The following KCNQ1 variants were observed in gnomAD, a reference collection of about 807,000 sequenced individuals.
KCNQ1 encodes potassium voltage-gated channel subfamily Q member 1, also known as potassium voltage-gated channel subfamily KQT member 1.
A neutral mutation model predicts 72.4 loss-of-function variants in KCNQ1; 49 were observed. That is an observed-to-expected ratio of 0.68 (90% CI 0.54 to 0.86). KCNQ1 has a LOEUF of 0.86. Ranked by LOEUF, KCNQ1 falls within the 40% of genes least tolerant of loss-of-function variation. The pLI is 0.00. For synonymous variants in KCNQ1, 450 were observed against 412.6 expected (o/e 1.09, Z -1.10); for missense variants, 790 against 945.1 (o/e 0.84, Z 2.15).
rs1384751753 is a variant in KCNQ1, at chr11:2,538,604, T to C, written c.477+10586T>C. 6.6e-6 allele frequency among the ~76,000 whole-genome samples: 1 copy of C among 152,046 alleles called. No homozygotes were observed. Among genetic ancestry groups the C allele is most frequent in the Non-Finnish European group, 1.5e-5 (1 of 67,992 alleles). On this transcript the variant is annotated intron_variant, in intron 2 of 15. Transcript: ENST00000155840. This position sits in a 1 kb window ranked among gnomAD's most constrained non-coding sequence, Gnocchi z 6.7. ...AGTCGTGAAAGTGGGAATCCTGGGCTGGAACCGGAACGTTCCCCGAGTACA... is the reference window on the plus strand; with the variant it reads ...AGTCGTGAAAGTGGGAATCCTGGGCCGGAACCGGAACGTTCCCCGAGTACA...
chr11:2,590,036 A>G (rs1012597823), intron 10 of KCNQ1, among the ~76,000 whole-genome samples: 3 of 152,182 alleles, frequency 2.0e-5, no homozygotes, highest in African/African-American at 7.2e-5. Context: ...CTTCTCTTGC[A>G]TGTGACTTCA....
In KCNQ1 at chr11:2,661,905, A is replaced by G. The variant is rs202207669; in HGVS notation, c.1394-56A>G. On this transcript the variant is annotated intron_variant, in intron 10 of 15. Transcript: ENST00000155840. The surrounding 1 kb of genome is among the most constrained non-coding windows in gnomAD (Gnocchi z 5.9). ...TGGGAGCTCACAGGCCTGGCTCCAC[A>G]GCACTGGCAGGTTGGGTGGGAGGCC... 3.1e-6 allele frequency: 5 copies of G among 1,612,834 alleles called. No homozygotes were observed. Among genetic ancestry groups the G allele is most frequent in the Non-Finnish European group, 4.2e-6 (5 of 1,179,160 alleles).
rs1465624913 is a variant in KCNQ1 at position 2,566,841 on chromosome 11, C to G, written c.478-3787C>G. Among the ~76,000 whole-genome samples, 1 of 152,076 alleles carries G rather than the reference C, an allele frequency of 6.6e-6. No individual in the cohort carries two copies. The highest frequency in any genetic ancestry group is 6.5e-5 in the Admixed American group (1 of 15,268). The stretch of plus-strand genomic sequence containing the variant: ...GATCCTGGGTGCCCCTCAGAGAAGG[C>G]CCTGGGGCTGGCCTTGTTATCAGTG... On this transcript the variant is annotated intron_variant, in intron 2 of 15. Transcript: ENST00000155840. The surrounding 1 kb of genome is among the most constrained non-coding windows in gnomAD (Gnocchi z 6.7).
chr11:2,530,496 C>T (rs934614305), intron 2 of KCNQ1, among the ~76,000 whole-genome samples: 1 of 152,224 alleles, frequency 6.6e-6, no homozygotes, highest in Admixed American at 6.5e-5. Context: ...GGAGAGTCTC[C>T]GTGTGAGGCC....
At chr11:2,548,492 T>A (rs1436611744) in intron 2 of KCNQ1, among the ~76,000 whole-genome samples, 2 of 152,240 alleles carry the variant, frequency 1.3e-5, no homozygotes, top group African/African-American at 4.8e-5. Context: ...CAGTTTATAT[T>A]CCCTTTCTCA....
chr11:2,549,955 G>A lies in KCNQ1; in HGVS notation c.478-20673G>A, dbSNP rs932618533. On this transcript the variant is annotated intron_variant, in intron 2 of 15. Coordinates refer to ENST00000155840, the MANE Select transcript of KCNQ1 (RefSeq NM_000218.3). This position sits in a 1 kb window ranked among gnomAD's most constrained non-coding sequence, Gnocchi z 6.2. ...CGCGAGCCGCGTAGAGGAGCAGGAA[G>A]GGAGCCAGCTCCACCTCCAGTAGAC... is the stretch of plus-strand genomic sequence containing the variant. Among the ~76,000 whole-genome samples the A allele has an allele frequency of 6.6e-5, 10 of 152,184 alleles. No homozygotes were observed. The highest frequency in any genetic ancestry group is 2.2e-4 in the African/African-American group (9 of 41,456).
chr11:2,494,014 T>C lies in KCNQ1; in HGVS notation c.387-33914T>C, dbSNP rs1363892659. The stretch of plus-strand genomic sequence containing the variant: ...TTTTTTTCCATTTGTTTGTGTCCTT[T>C]CCTTTCCTTCAGCAGTGGTTTGTTG... On this transcript the variant is annotated intron_variant, in intron 1 of 15. Transcript: ENST00000155840. This position sits in a 1 kb window ranked among gnomAD's most constrained non-coding sequence, Gnocchi z 4.6. 6.6e-6 allele frequency among the ~76,000 whole-genome samples: 1 copy of C among 152,216 alleles called. No homozygotes were observed. Among genetic ancestry groups the C allele is most frequent in the East Asian group, 1.9e-4 (1 of 5,202 alleles).
chr11:2,667,006 C>T (rs1428566738), intron 11 of KCNQ1: 2 of 398,592 alleles, frequency 5.0e-6, no homozygotes, highest in Non-Finnish European at 8.8e-6. Flanking sequence ...CTGCATGAGT[C>T]ATAGGATCCC....
In KCNQ1 at chr11:2,678,627, C is replaced by G. The variant is rs1850334895; in HGVS notation, c.1514+16546C>G. 5.0e-6 allele frequency: 2 copies of G among 397,642 alleles called. No individual in the cohort carries two copies. Among genetic ancestry groups the G allele is most frequent in the Non-Finnish European group, 8.9e-6 (2 of 225,962 alleles). The allele number at this position is 397,642 out of a possible 1,614,324, so 24.6% of individuals were successfully genotyped here. On this transcript the variant is annotated intron_variant, in intron 11 of 15. Transcript: ENST00000155840. The surrounding 1 kb of genome is among the most constrained non-coding windows in gnomAD (Gnocchi z 4.9). ...CCCCCTCATCTCCATTACTTAAGAG[C>G]CAATAATGGGAAGCTCATTTTCACA...
At position 2,627,903 on chromosome 11, in the gene KCNQ1, C is replaced by A. The variant is rs987348417; in HGVS notation, c.1394-34058C>A. ...GTAGCTGGGACCACAGTCATGCACC[C>A]CCATGCCCAGCTAATTTTTAAAATT... On this transcript the variant is annotated intron_variant, in intron 10 of 15. Transcript: ENST00000155840. The surrounding 1 kb of genome is among the most constrained non-coding windows in gnomAD (Gnocchi z 4.9). 18 of 398,322 alleles carry A rather than the reference C, an allele frequency of 4.5e-5. No individual in the cohort carries two copies. Among genetic ancestry groups the A allele is most frequent in the Non-Finnish European group, 6.2e-5 (14 of 226,060 alleles). The allele number at this position is 398,322 out of a possible 1,614,324, so 24.7% of individuals were successfully genotyped here. A position where few individuals can be genotyped will look rare whatever the true frequency, so the allele number is the denominator to read the frequency against.
chr11:2,553,579 G>C (rs541690971), intron 2 of KCNQ1, among the ~76,000 whole-genome samples: 1 of 152,086 alleles, frequency 6.6e-6, no homozygotes, highest in East Asian at 1.9e-4. Context: ...GCTAGTGTGG[G>C]GAATCGCACT....
chr11:2,472,624 G>C (rs1276300137), intron 1 of KCNQ1, among the ~76,000 whole-genome samples: 1 of 149,594 alleles, frequency 6.7e-6, no homozygotes, highest in Non-Finnish European at 1.5e-5. Context: ...GTCATGCGGG[G>C]CTTTCTGAGT....
intron 1 of KCNQ1, among the ~76,000 whole-genome samples, chr11:2,469,534 G>A (rs890997964): frequency 6.6e-6 from 1 of 152,050 alleles, no homozygotes; most frequent in Non-Finnish European, 1.5e-5. Flanking sequence ...GCCTCCCAAA[G>A]TGCTGGGATT....
In KCNQ1 at chr11:2,748,978, C is replaced by A. The variant is rs966025573; in HGVS notation, c.1515-19866C>A. Among the ~76,000 whole-genome samples the A allele has an allele frequency of 2.0e-5, 3 of 152,150 alleles. No individual in the cohort carries two copies. Among genetic ancestry groups the A allele is most frequent in the East Asian group, 3.9e-4 (2 of 5,188 alleles). Reference sequence around the variant, plus strand: ...CTTTGACGTGAGCTATTCAAAATGGCGGGAGGGGCGAGGCCTCTGGAGCAA... The same window carrying A: ...CTTTGACGTGAGCTATTCAAAATGGAGGGAGGGGCGAGGCCTCTGGAGCAA... On this transcript the variant is annotated intron_variant, in intron 11 of 15. Transcript: ENST00000155840. The surrounding 1 kb of genome is among the most constrained non-coding windows in gnomAD (Gnocchi z 6.2).
At chr11:2,680,218 A>C (rs962323510) in intron 11 of KCNQ1, 1 of 398,164 alleles carries the variant, frequency 2.5e-6, no homozygotes, top group African/African-American at 2.1e-5. Context: ...AAAAAAAAAA[A>C]AAAAAAAAAG....
Position 2,642,441 on chromosome 11 carries a change from A to T in KCNQ1, c.1394-19520A>T. On this transcript the variant is annotated intron_variant, in intron 10 of 15. Transcript: ENST00000155840. This position sits in a 1 kb window ranked among gnomAD's most constrained non-coding sequence, Gnocchi z 4.3. ...GTATATAGAAATAAGCCTGATTTTTAAATCCTGTAACTGTAATCAATTTAT... is the reference window on the plus strand; with the variant it reads ...GTATATAGAAATAAGCCTGATTTTTTAATCCTGTAACTGTAATCAATTTAT... 1 of 398,034 alleles carries T rather than the reference A, an allele frequency of 2.5e-6. No homozygotes were observed. The highest frequency in any genetic ancestry group is 3.6e-5 in the East Asian group (1 of 27,968). 24.7% of individuals were successfully genotyped at this position (398,034 alleles called of 1,614,324 possible).
intron 1 of KCNQ1, among the ~76,000 whole-genome samples, chr11:2,480,925 G>A (rs992915946): frequency 2.6e-5 from 4 of 152,194 alleles, no homozygotes; most frequent in African/African-American, 9.7e-5. Flanking sequence ...GGACAGGATG[G>A]AGCAGGACGG....
intron 11 of KCNQ1, chr11:2,666,215 A>C (rs1850064126): frequency 5.0e-6 from 2 of 398,448 alleles, no homozygotes; most frequent in Non-Finnish European, 8.8e-6. Flanking sequence ...AGGGACACTC[A>C]GGGAGCACCC....
At chr11:2,756,981 A>ACC (rs1554917654) in intron 11 of KCNQ1, among the ~76,000 whole-genome samples, 7 of 115,220 alleles carry the variant, frequency 6.1e-5, no homozygotes, top group African/African-American at 1.3e-4. Flanking sequence ...AAAAAAAAAA[A>ACC]CCCACAGCTA....
Sources: gnomAD v4.1 joint callset for allele counts (sites outside exome capture counted in the v4.1 genomes callset) on GRCh38, gnomAD v4.1.1 for gene constraint, Gnocchi (gnomAD v3.1) non-coding constraint, MANE v1.5 for transcripts, NCBI Gene and HGNC (gene_info 2026-07-23, HGNC 2026-07-21) for gene names.